Variants in DENND3 observed in about 807,000 individuals in gnomAD.
DENND3 encodes DENN domain containing 3.
Under a neutral mutation model 135.1 loss-of-function variants are expected in DENND3, and 88 were observed. That is an observed-to-expected ratio of 0.65 (90% CI 0.55 to 0.78). The LOEUF is 0.78. Among genes scored for constraint, DENND3 ranks in the 30% least tolerant of loss-of-function variants. The pLI is 0.00. For missense variants in DENND3, 1,392 were observed against 1,688.4 expected, an observed-to-expected ratio of 0.82 and a Z score of 3.08; for synonymous variants, 693 against 712.3, an observed-to-expected ratio of 0.97 and a Z score of 0.43.
At chr8:141,170,420 TGTGTGCGA>T (rs1821395815) in intron 13 of DENND3, among the ~76,000 whole-genome samples, 1 of 152,156 alleles carries the variant, frequency 6.6e-6, no homozygotes, top group Non-Finnish European at 1.5e-5. Context: ...TGTGTGTATA[TGTGTGCGA>T]GTGTGCGTGT....
Position 141,182,200 on chromosome 8 carries a change from C to A in DENND3, c.2944+1346C>A. ...TGTAGGTGTCACCCCCTCTCACAGG[C>A]CATGTCCGCGGCTTCACAGAGCACC... On this transcript the variant is annotated intron_variant, in intron 17 of 22. Coordinates refer to ENST00000519811, the MANE Select transcript of DENND3 (RefSeq NM_001352890.3). The surrounding 1 kb of genome is among the most constrained non-coding windows in gnomAD (Gnocchi z 5.9). 3 of 575,386 alleles carry A rather than the reference C, an allele frequency of 5.2e-6. No individual in the cohort carries two copies. Among genetic ancestry groups the A allele is most frequent in the Non-Finnish European group, 6.6e-6 (3 of 455,700 alleles). 35.6% of individuals were successfully genotyped at this position (575,386 alleles called of 1,614,324 possible).
intron 3 of DENND3, among the ~76,000 whole-genome samples, chr8:141,140,769 G>A (rs748627319): frequency 7.9e-5 from 12 of 152,194 alleles, no homozygotes; most frequent in Non-Finnish European, 1.8e-4. Flanking sequence ...ACAGTGTGCT[G>A]GGCCTTCTAG....
Position 141,174,490 on chromosome 8 carries a change from T to A in DENND3, c.2276-710T>A, listed in dbSNP as rs1352146392. 6.6e-6 allele frequency among the ~76,000 whole-genome samples: 1 copy of A among 151,558 alleles called. No individual in the cohort carries two copies. Among genetic ancestry groups the A allele is most frequent in the Admixed American group, 6.6e-5 (1 of 15,222 alleles). On this transcript the variant is annotated intron_variant, in intron 13 of 22. Coordinates refer to ENST00000519811, the MANE Select transcript of DENND3 (RefSeq NM_001352890.3). The surrounding 1 kb of genome is among the most constrained non-coding windows in gnomAD (Gnocchi z 4.6). ...GCAGGGACTTGGGATTTCCGAGGGGTCGTCCCATCTCCCGCTGACAGATAA... is the reference window on the plus strand; with the variant it reads ...GCAGGGACTTGGGATTTCCGAGGGGACGTCCCATCTCCCGCTGACAGATAA...
chr8:141,188,869 C>T, intron 18 of DENND3, 117 bp from the exon 19 acceptor site: 1 of 1,373,792 alleles, frequency 7.3e-7, no homozygotes, highest in Non-Finnish European at 9.8e-7. Context: ...GCCGGCGTGT[C>T]CCCTAGGAGC....
At chr8:141,131,472 T>G (rs1417866088) in intron 1 of DENND3, among the ~76,000 whole-genome samples, 1 of 152,190 alleles carries the variant, frequency 6.6e-6, no homozygotes, top group African/African-American at 2.4e-5. Flanking sequence ...CCTTCCTGGG[T>G]GATGGCAGTT....
Position 141,144,208 on chromosome 8 carries a change from C to T in DENND3, c.684C>T (p.Phe228=), listed in dbSNP as rs750103828. ...DFEVDSHIKD[F]AAKLSLIPSP... is the part of the protein sequence containing the mutation. ...AAGTGGACAGTCATATAAAAGATTT[C>T]GCTGCGAAGCTGTCTTTAATACCCA... Residue 228 remains phenylalanine, a synonymous_variant, in exon 5 of 23, where the codon TTC becomes TTT. Transcript: ENST00000519811. This position sits in a 1 kb window ranked among gnomAD's most constrained non-coding sequence, Gnocchi z 4.4. 6.6e-5 allele frequency: 107 copies of T among 1,613,954 alleles called. No individual in the cohort carries two copies. The highest frequency in any genetic ancestry group is 4.9e-4 in the Middle Eastern group (3 of 6,062).
intron 18 of DENND3, among the ~76,000 whole-genome samples, chr8:141,185,845 TAATAA>T (rs1823821619): frequency 6.6e-6 from 1 of 151,500 alleles, no homozygotes; most frequent in Admixed American, 6.6e-5. Context: ...ATAATAATAA[TAATAA>T]AATAATAAAA....
intron 10 of DENND3, among the ~76,000 whole-genome samples, chr8:141,164,187 C>G (rs1027036434): frequency 5.3e-5 from 8 of 152,172 alleles, no homozygotes; most frequent in Non-Finnish European, 8.8e-5. Context: ...TGCCTCGGAC[C>G]GAGCTGGGCT....
intron 18 of DENND3, among the ~76,000 whole-genome samples, chr8:141,186,110 G>A (rs1823858874): frequency 6.6e-6 from 1 of 151,666 alleles, no homozygotes; most frequent in South Asian, 2.1e-4. Context: ...GGCTAATTTT[G>A]TATTTTTTGT....
Position 141,176,748 on chromosome 8 carries a change from C to A in DENND3, c.2693C>A (p.Ala898Asp). 6.2e-7 allele frequency: 1 copy of A among 1,613,894 alleles called. No homozygotes were observed. The highest frequency in any genetic ancestry group is 8.5e-7 in the Non-Finnish European group (1 of 1,179,882). ...VKEMWAGKKL[A>D]DDHKDPHYVQ... ...GAGATGTGGGCTGGGAAGAAGCTGG[C>A]CGATGACCACAAGGTGGGAGACGCG... The change falls in exon 15 of 23, where the codon GCC becomes GAC. Residue 898 changes from alanine to aspartate, a missense_variant. Transcript: ENST00000519811.
intron 17 of DENND3, among the ~76,000 whole-genome samples, chr8:141,183,157 T>G (rs1456815934): frequency 6.6e-6 from 1 of 152,194 alleles, no homozygotes; most frequent in Non-Finnish European, 1.5e-5. Flanking sequence ...AATATTTTCA[T>G]GACTTTATGG....
chr8:141,145,837 A>T lies in DENND3; in HGVS notation c.735+1578A>T, dbSNP rs1259725752. 9.7e-3 allele frequency among the ~76,000 whole-genome samples: 278 copies of T among 28,806 alleles called. 15 individuals carry two copies. The African/African-American group carries it at 0.1, about 11-fold the overall frequency. The allele number at this position is 28,806 out of a possible 152,430, so 18.9% of individuals were successfully genotyped here. A position where few individuals can be genotyped will look rare whatever the true frequency, so the allele number is the denominator to read the frequency against. On this transcript the variant is annotated intron_variant, in intron 5 of 22. Coordinates refer to ENST00000519811, the MANE Select transcript of DENND3 (RefSeq NM_001352890.3). ...TATATATATATATATATATATATAT[A>T]TATATATATATATGTATTTTTTTTT... is the stretch of plus-strand genomic sequence containing the variant.
chr8:141,167,250 C>T lies in DENND3; in HGVS notation c.1754-754C>T, dbSNP rs1200465972. Among the ~76,000 whole-genome samples the T allele has an allele frequency of 6.6e-6, 1 of 152,220 alleles. No individual in the cohort carries two copies. The highest frequency in any genetic ancestry group is 6.5e-5 in the Admixed American group (1 of 15,288). The stretch of plus-strand genomic sequence containing the variant: ...TGACCCTGGGCAGGCAGCTTCACCT[C>T]CCTGGTTCTGCAGTTCCTCTTCTGA... On this transcript the variant is annotated intron_variant, in intron 12 of 22. Coordinates refer to ENST00000519811, the MANE Select transcript of DENND3 (RefSeq NM_001352890.3). The surrounding 1 kb of genome is among the most constrained non-coding windows in gnomAD (Gnocchi z 4.1).
Position 141,182,505 on chromosome 8 carries a change from T to A in DENND3, c.2944+1651T>A. 1.0e-6 allele frequency: 1 copy of A among 985,316 alleles called. No individual in the cohort carries two copies. The highest frequency in any genetic ancestry group is 1.2e-6 in the Non-Finnish European group (1 of 829,846). The allele number at this position is 985,316 out of a possible 1,614,324, so 61.0% of individuals were successfully genotyped here. A position where few individuals can be genotyped will look rare whatever the true frequency, so the allele number is the denominator to read the frequency against. ...AATACATGGTATTTTTAGGTCCCGG[T>A]TGGTTTCCCTGAAATGAAACTCACT... On this transcript the variant is annotated intron_variant, in intron 17 of 22. Coordinates refer to ENST00000519811, the MANE Select transcript of DENND3 (RefSeq NM_001352890.3). This position sits in a 1 kb window ranked among gnomAD's most constrained non-coding sequence, Gnocchi z 5.9.
chr8:141,192,001 T>G, intron 20 of DENND3: 1 of 234,026 alleles, frequency 4.3e-6, no homozygotes, highest in Non-Finnish European at 8.4e-6. Context: ...GTAAGAAGCT[T>G]ACAACAGTAT....
chr8:141,177,868 G>A, intron 15 of DENND3, 199 bp from the exon 16 acceptor site: 1 of 652,122 alleles, frequency 1.5e-6, no homozygotes, highest in East Asian at 3.3e-5. Context: ...GCTGAGCCCT[G>A]GTATAAACAA....
intron 17 of DENND3, among the ~76,000 whole-genome samples, chr8:141,181,574 T>C (rs1823104909): frequency 6.6e-6 from 1 of 152,128 alleles, no homozygotes; most frequent in South Asian, 2.1e-4. Flanking sequence ...ATCAGGGTGG[T>C]GGCAGGAGAA....
chr8:141,170,668 C>T (rs1291341876), intron 13 of DENND3, among the ~76,000 whole-genome samples: 7 of 152,182 alleles, frequency 4.6e-5, no homozygotes, highest in Non-Finnish European at 8.8e-5. Context: ...GGGTGGGCCC[C>T]ACTTCCATCG....
At chr8:141,176,995 G>A in intron 15 of DENND3, 1 of 524,846 alleles carries the variant, frequency 1.9e-6, no homozygotes, top group Non-Finnish European at 3.4e-6. Flanking sequence ...ACGCAGGGCG[G>A]TCTGGGCAGG....
Sources: allele counts gnomAD v4.1 joint callset (sites outside exome capture counted in the v4.1 genomes callset), GRCh38; gene constraint gnomAD v4.1.1; non-coding constraint Gnocchi (gnomAD v3.1); transcripts MANE v1.5; gene names NCBI Gene and HGNC (gene_info 2026-07-23, HGNC 2026-07-21).